Variants in CSMD1 observed in about 807,000 individuals in gnomAD.
CSMD1 encodes CUB and sushi domain-containing protein 1.
CSMD1 carries 213 observed loss-of-function variants against 417.5 expected under a neutral mutation model. That is an observed-to-expected ratio of 0.51 (90% CI 0.46 to 0.57). CSMD1 has a LOEUF of 0.57. CSMD1 is among the 20% of genes least tolerant of loss of function. CSMD1 has a pLI of 0.00. For synonymous variants in CSMD1, 2,862 were observed against 1,736.8 expected (o/e 1.65, Z -16.11); for missense variants, 6,923 against 4,529.7 (o/e 1.53, Z -15.17).
chr8:3,170,596 T>G (rs2129043699), intron 37 of CSMD1, among the ~76,000 whole-genome samples: 1 of 152,346 alleles, frequency 6.6e-6, no homozygotes, highest in Admixed American at 6.5e-5. Context: ...TGTTTACAGC[T>G]CTCTCATTCT....
At chr8:3,413,177 T>G (rs1812923404) in intron 12 of CSMD1, among the ~76,000 whole-genome samples, 1 of 152,250 alleles carries the variant, frequency 6.6e-6, no homozygotes, top group South Asian at 2.1e-4. Flanking sequence ...ACTATGATTA[T>G]TAGCAAGCCT....
intron 3 of CSMD1, among the ~76,000 whole-genome samples, chr8:4,180,387 T>A (rs1385091919): frequency 2.3e-5 from 3 of 129,746 alleles, no homozygotes; most frequent in Non-Finnish European, 4.6e-5. Flanking sequence ...TGAGAACACA[T>A]GGACACAGGA....
chr8:3,346,629 T>C (rs1025651966), intron 22 of CSMD1, among the ~76,000 whole-genome samples: 1 of 152,198 alleles, frequency 6.6e-6, no homozygotes, highest in Non-Finnish European at 1.5e-5. Context: ...GGCCCTTTAA[T>C]CTGTAAGCTT....
intron 3 of CSMD1, among the ~76,000 whole-genome samples, chr8:4,044,669 C>T (rs1039765791): frequency 6.6e-6 from 1 of 152,114 alleles, no homozygotes. Flanking sequence ...TGGGCGTGTA[C>T]CACCCTGGCC....
chr8:4,315,683 T>A (rs997370784), intron 3 of CSMD1, among the ~76,000 whole-genome samples: 5 of 152,178 alleles, frequency 3.3e-5, no homozygotes, highest in African/African-American at 1.2e-4. Context: ...ATGATGATTA[T>A]AAAATAGCCA....
chr8:3,335,811 G>A (rs899151694), intron 23 of CSMD1, among the ~76,000 whole-genome samples: 1 of 152,182 alleles, frequency 6.6e-6, no homozygotes, highest in Admixed American at 6.5e-5. Context: ...TCTGCACAGT[G>A]CTTTACTATT....
chr8:4,791,794 C>G (rs772457915), intron 1 of CSMD1, among the ~76,000 whole-genome samples: 10 of 152,156 alleles, frequency 6.6e-5, no homozygotes, highest in African/African-American at 2.4e-4. Context: ...TGAGATTCCT[C>G]CAGTTTGGGT....
chr8:3,398,388 G>A (rs1811828424), intron 16 of CSMD1, among the ~76,000 whole-genome samples: 1 of 151,852 alleles, frequency 6.6e-6, no homozygotes, highest in Admixed American at 6.6e-5. Flanking sequence ...TTGTGCTATT[G>A]GGGATTATTA....
intron 49 of CSMD1, among the ~76,000 whole-genome samples, chr8:3,078,368 A>G (rs1017412064): frequency 6.6e-6 from 1 of 152,218 alleles, no homozygotes; most frequent in African/African-American, 2.4e-5. Context: ...GACAGAGGAA[A>G]TGCGTTATTT....
intron 5 of CSMD1, among the ~76,000 whole-genome samples, chr8:3,896,948 CT>C (rs1172109526): frequency 1.1e-4 from 16 of 151,884 alleles, no homozygotes; most frequent in African/African-American, 3.9e-4. Context: ...ATCAATACCC[CT>C]AATGAAATCT....
intron 2 of CSMD1, among the ~76,000 whole-genome samples, chr8:4,564,205 T>G (rs1798481569): frequency 1.3e-5 from 2 of 152,220 alleles, no homozygotes; most frequent in South Asian, 4.1e-4. Flanking sequence ...TTTCTTCACT[T>G]CCTTCCCCTG....
In CSMD1 at chr8:3,838,783, G is replaced by A. The variant is rs185554138; in HGVS notation, c.819-84741C>T. ...TATATAGTATAATATATAATAAATTGATATTATATAGTATAATATATAATA... is the reference window on the plus strand; with the variant it reads ...TATATAGTATAATATATAATAAATTAATATTATATAGTATAATATATAATA... On this transcript the variant is annotated intron_variant, in intron 5 of 69. Transcript: ENST00000635120. 2.5e-3 allele frequency among the ~76,000 whole-genome samples: 112 copies of A among 45,172 alleles called. 23 individuals are homozygous for A. The highest frequency in any genetic ancestry group is 3.3e-3 in the Non-Finnish European group (87 of 26,336). 29.6% of individuals were successfully genotyped at this position (45,172 alleles called of 152,430 possible).
At chr8:3,444,722 T>C (rs1045064388) in intron 12 of CSMD1, among the ~76,000 whole-genome samples, 1 of 152,192 alleles carries the variant, frequency 6.6e-6, no homozygotes, top group Non-Finnish European at 1.5e-5. Flanking sequence ...CTGAATGTAA[T>C]ATATAAATGT....
chr8:3,066,057 G>C (rs910296301), intron 49 of CSMD1, among the ~76,000 whole-genome samples: 4 of 152,022 alleles, frequency 2.6e-5, no homozygotes, highest in African/African-American at 9.7e-5. Flanking sequence ...ATTTCCAAAG[G>C]TTACAGAAAA....
intron 1 of CSMD1, among the ~76,000 whole-genome samples, chr8:4,764,830 G>C (rs1253140399): frequency 2.3e-5 from 3 of 128,472 alleles, no homozygotes; most frequent in African/African-American, 9.1e-5. Context: ...CAGAGATCGC[G>C]CCACTGCACT....
intron 1 of CSMD1, among the ~76,000 whole-genome samples, chr8:4,764,334 G>C (rs1193117233): frequency 6.6e-6 from 1 of 152,106 alleles, no homozygotes; most frequent in Non-Finnish European, 1.5e-5. Context: ...TATAAATTTA[G>C]AACCTAGAAA....
chr8:4,399,498 T>C (rs1188372214), intron 3 of CSMD1, among the ~76,000 whole-genome samples: 1 of 152,180 alleles, frequency 6.6e-6, no homozygotes, highest in South Asian at 2.1e-4. Context: ...TTAAGTTCAA[T>C]GTCCTTAGCT....
intron 3 of CSMD1, among the ~76,000 whole-genome samples, chr8:4,409,642 CTTTTTTTTT>C (rs61368925): frequency 1.4e-5 from 2 of 141,850 alleles, no homozygotes; most frequent in Non-Finnish European, 3.0e-5. Flanking sequence ...GACTTTTTTT[CTTTTTTTTT>C]TTTTTTTTTT....
At chr8:4,020,722 C>G (rs756760433) in intron 4 of CSMD1, among the ~76,000 whole-genome samples, 2 of 152,208 alleles carry the variant, frequency 1.3e-5, no homozygotes, top group Non-Finnish European at 2.9e-5. Context: ...TCCTCAAAGT[C>G]TTCTGTAATC....
Sources: allele counts gnomAD v4.1 joint callset (sites outside exome capture counted in the v4.1 genomes callset), GRCh38; gene constraint gnomAD v4.1.1; transcripts MANE v1.5; gene names NCBI Gene and HGNC (gene_info 2026-07-23, HGNC 2026-07-21).